MELK: variants seen among roughly 807,000 people sequenced by gnomAD.
MELK encodes maternal embryonic leucine zipper kinase, also known as pEg3 kinase.
A neutral mutation model predicts 85.0 loss-of-function variants in MELK; 81 were observed. That is an observed-to-expected ratio of 0.95 (90% CI 0.80 to 1.15). MELK has a LOEUF of 1.15. MELK is among the 50% of genes most tolerant of loss of function. The pLI is 0.00. For synonymous variants in MELK, 252 were observed against 265.0 expected, an observed-to-expected ratio of 0.95 and a Z score of 0.48; for missense variants, 754 against 777.5, an observed-to-expected ratio of 0.97 and a Z score of 0.36.
At position 36,599,380 on chromosome 9, in the gene MELK, T is replaced by A; in HGVS notation, c.475-14T>A. The A allele has an allele frequency of 1.3e-6, 2 of 1,560,300 alleles. No homozygotes were observed. Among genetic ancestry groups the A allele is most frequent in the Non-Finnish European group, 1.8e-6 (2 of 1,135,846 alleles). ...CGTTGTAATTAATAAGTTTCATTTT[T>A]ATCTTATTGGCAGGGTAACAAGGAT... is the stretch of plus-strand genomic sequence containing the variant. On this transcript the variant is annotated splice_polypyrimidine_tract_variant and intron_variant, in intron 6 of 17. Coordinates refer to ENST00000298048, the MANE Select transcript of MELK (RefSeq NM_014791.4).
intron 8 of MELK, among the ~76,000 whole-genome samples, chr9:36,608,256 C>G (rs552620597): frequency 8.9e-6 from 1 of 111,894 alleles, no homozygotes; most frequent in Non-Finnish European, 1.6e-5. Flanking sequence ...CCAGCCTGGG[C>G]GACAGAGCAA....
At chr9:36,623,270 T>G (rs1237775998) in intron 8 of MELK, among the ~76,000 whole-genome samples, 1 of 152,218 alleles carries the variant, frequency 6.6e-6, no homozygotes, top group Non-Finnish European at 1.5e-5. Context: ...TTAATCTCCC[T>G]GGCTGACAGT....
At chr9:36,595,613 T>G (rs1437977362) in intron 5 of MELK, among the ~76,000 whole-genome samples, 2 of 150,216 alleles carry the variant, frequency 1.3e-5, no homozygotes, top group East Asian at 3.9e-4. Context: ...TTGTTTTTTT[T>G]TTTTTTTTTT....
intron 10 of MELK, among the ~76,000 whole-genome samples, 197 bp downstream of exon 10, chr9:36,633,397 A>C (rs1279955618): frequency 1.3e-5 from 2 of 152,222 alleles, no homozygotes; most frequent in African/African-American, 2.4e-5. Flanking sequence ...CTTAAAAAGA[A>C]ATGCCTGCTC....
At chr9:36,583,985 T>C (rs1822549285) in intron 3 of MELK, among the ~76,000 whole-genome samples, 2 of 152,168 alleles carry the variant, frequency 1.3e-5, no homozygotes, top group Non-Finnish European at 2.9e-5. Context: ...ATGTGTCCCA[T>C]CTTTCTTTTC....
At position 36,659,091 on chromosome 9, in the gene MELK, T is replaced by C. The variant is rs1297244848; in HGVS notation, c.1176+1728T>C. Among the ~76,000 whole-genome samples, 16 of 152,052 alleles carry C rather than the reference T, an allele frequency of 1.1e-4. No homozygotes were observed. The East Asian group carries it at 1.4e-3, about 13-fold the overall frequency. ...AGAGATGGGGTTTCACCATGTTAGC[T>C]AGGATGGTCTCGATCTCCTGACCTT... On this transcript the variant is annotated intron_variant, in intron 13 of 17. Transcript: ENST00000298048.
intron 8 of MELK, among the ~76,000 whole-genome samples, chr9:36,613,254 A>T (rs1055651256): frequency 1.3e-5 from 2 of 152,224 alleles, no homozygotes; most frequent in Non-Finnish European, 2.9e-5. Context: ...TCTCTGTTCA[A>T]ATGTTCTCTA....
At chr9:36,574,864 C>T (rs1289593896) in intron 1 of MELK, among the ~76,000 whole-genome samples, 2 of 150,458 alleles carry the variant, frequency 1.3e-5, no homozygotes, top group East Asian at 2.0e-4. Flanking sequence ...AGGCCGGGCG[C>T]GGTGGCTCAC....
chr9:36,594,034 T>A (rs1463694235), intron 4 of MELK, among the ~76,000 whole-genome samples: 1 of 152,156 alleles, frequency 6.6e-6, no homozygotes, highest in African/African-American at 2.4e-5. Flanking sequence ...TGTGGAACTG[T>A]GAGGTCAAGT....
rs1832837525 is a variant in MELK at position 36,671,016 on chromosome 9, G to A, written c.1524G>A (p.Leu508=). 2 of 1,609,536 alleles carry A rather than the reference G, an allele frequency of 1.2e-6. No individual in the cohort carries two copies. Among genetic ancestry groups the A allele is most frequent in the Admixed American group, 1.7e-5 (1 of 59,054 alleles). The change falls in exon 16 of 18, where the codon TTG becomes TTA. Residue 508 remains leucine, a synonymous_variant. Coordinates refer to ENST00000298048, the MANE Select transcript of MELK (RefSeq NM_014791.4). ...SPERRCRSVE[L]DLNQAHMEET... is the part of the protein sequence containing the mutation. ...GTTTCAGGTGCCGCTCAGTGGAATT[G>A]GATCTCAACCAAGCACATATGGAGG...
chr9:36,584,900 C>A (rs999006927), intron 3 of MELK, among the ~76,000 whole-genome samples: 3 of 151,778 alleles, frequency 2.0e-5, no homozygotes, highest in African/African-American at 4.8e-5. Flanking sequence ...AAACATTTTT[C>A]TAGAAACAAG....
chr9:36,617,996 G>A (rs965671749), intron 8 of MELK, among the ~76,000 whole-genome samples: 4 of 152,110 alleles, frequency 2.6e-5, no homozygotes, highest in African/African-American at 7.2e-5. Flanking sequence ...GGGCATGGTG[G>A]CATTTGTCTT....
At chr9:36,667,673 A>G (rs1011921530) in intron 14 of MELK, among the ~76,000 whole-genome samples, 2 of 152,226 alleles carry the variant, frequency 1.3e-5, no homozygotes, top group African/African-American at 4.8e-5. Flanking sequence ...CGAGCCACTT[A>G]AGGAAGCAAG....
At chr9:36,662,786 CTG>C (rs1463066831) in intron 13 of MELK, among the ~76,000 whole-genome samples, 1 of 152,136 alleles carries the variant, frequency 6.6e-6, no homozygotes, top group Non-Finnish European at 1.5e-5. Flanking sequence ...CCTTTTTAGT[CTG>C]TCTTTTCTCT....
chr9:36,593,947 C>T (rs1823914312), intron 4 of MELK, among the ~76,000 whole-genome samples: 3 of 152,204 alleles, frequency 2.0e-5, no homozygotes, highest in African/African-American at 7.2e-5. Context: ...GCTGGGATTA[C>T]AGGCCTGAGC....
chr9:36,576,811 C>T (rs1050794819), intron 1 of MELK, among the ~76,000 whole-genome samples: 93 of 152,136 alleles, frequency 6.1e-4, no homozygotes, highest in African/African-American at 2.2e-3. Context: ...GGATTACAGG[C>T]GGGAGCCATT....
chr9:36,656,932 A>G (rs1298127420), intron 12 of MELK, among the ~76,000 whole-genome samples: 1 of 152,028 alleles, frequency 6.6e-6, no homozygotes, highest in Non-Finnish European at 1.5e-5. Context: ...TTCTGTTTAG[A>G]TTTGTTTAGA....
intron 13 of MELK, among the ~76,000 whole-genome samples, chr9:36,662,357 C>T (rs1831935500): frequency 6.6e-6 from 1 of 151,748 alleles, no homozygotes; most frequent in Admixed American, 6.6e-5. Context: ...GATTCTCCTG[C>T]CTCAGCCTCC....
chr9:36,646,320 T>C (rs926296801), intron 11 of MELK, among the ~76,000 whole-genome samples: 1 of 152,160 alleles, frequency 6.6e-6, no homozygotes, highest in African/African-American at 2.4e-5. Flanking sequence ...GCCTTCACTT[T>C]TGGGGCTGAT....
Sources: allele counts gnomAD v4.1 joint callset (sites outside exome capture counted in the v4.1 genomes callset), GRCh38; gene constraint gnomAD v4.1.1; transcripts MANE v1.5; gene names NCBI Gene and HGNC (gene_info 2026-07-23, HGNC 2026-07-21).